ACSF2: variants seen among roughly 807,000 people sequenced by gnomAD.
The protein encoded by ACSF2 is acyl-CoA synthetase family member 2.
In ACSF2, 52 loss-of-function variants were observed where a neutral mutation model predicts 79.3. The observed-to-expected ratio is 0.66, with a 90% confidence interval of 0.53 to 0.83. The LOEUF (loss-of-function observed/expected upper bound fraction) is 0.83. ACSF2 is among the 40% of genes least tolerant of loss of function. The probability of loss-of-function intolerance (pLI) is 0.00; values close to 1 mark genes in which losing one functional copy is unlikely to be tolerated. For synonymous variants in ACSF2, 283 were observed against 312.6 expected (o/e 0.91, Z 1.00); for missense variants, 661 against 803.3 (o/e 0.82, Z 2.14).
chr17:50,427,971 C>T (rs1403530069), intron 1 of ACSF2, among the ~76,000 whole-genome samples: 3 of 152,086 alleles, frequency 2.0e-5, no homozygotes, highest in African/African-American at 7.2e-5. Flanking sequence ...GTGCCTGCAC[C>T]CTTATTGTCT....
At chr17:50,469,732 G>C (rs1299906297) in intron 10 of ACSF2, among the ~76,000 whole-genome samples, 1 of 152,208 alleles carries the variant, frequency 6.6e-6, no homozygotes, top group Non-Finnish European at 1.5e-5. Flanking sequence ...CGCCCCTGAG[G>C]GGTCTCAGGG....
chr17:50,459,116 G>A (rs2032186868), intron 1 of ACSF2, among the ~76,000 whole-genome samples: 1 of 152,206 alleles, frequency 6.6e-6, no homozygotes, highest in African/African-American at 2.4e-5. Flanking sequence ...TTCACCATTC[G>A]CAAAGCACCT....
intron 1 of ACSF2, among the ~76,000 whole-genome samples, chr17:50,447,147 C>T (rs2143604576): frequency 6.6e-6 from 1 of 152,228 alleles, no homozygotes; most frequent in East Asian, 1.9e-4. Context: ...CTCTGTCTTC[C>T]CATCCCTCCC....
At chr17:50,468,551 C>A in intron 10 of ACSF2, 1 of 1,614,238 alleles carries the variant, frequency 6.2e-7, no homozygotes, top group East Asian at 2.2e-5. Flanking sequence ...GGCCACCTCG[C>A]GGATCTGGCA....
chr17:50,450,646 A>AG (rs1207684043), intron 1 of ACSF2: 1 of 154,836 alleles, frequency 6.5e-6, no homozygotes, highest in Non-Finnish European at 1.4e-5. Flanking sequence ...ATCCACGGTG[A>AG]GGACTCTCTT....
At chr17:50,443,508 A>G (rs1465680678) in intron 1 of ACSF2, among the ~76,000 whole-genome samples, 3 of 152,180 alleles carry the variant, frequency 2.0e-5, no homozygotes, top group Non-Finnish European at 2.9e-5. Flanking sequence ...TTTGCTACCA[A>G]TTGCTGCGAG....
At chr17:50,456,393 A>C (rs754332481) in intron 1 of ACSF2, among the ~76,000 whole-genome samples, 3 of 152,176 alleles carry the variant, frequency 2.0e-5, no homozygotes, top group Non-Finnish European at 4.4e-5. Context: ...GGTGACCTGC[A>C]AGAGATGGGA....
Position 50,473,787 on chromosome 17 carries a change from C to T in ACSF2, c.1598C>T (p.Pro533Leu), listed in dbSNP as rs757105546. Residue 533 changes from proline (P) to leucine (L), a missense_variant, in exon 13 of 16, where the codon CCG becomes CTG. Pro to Leu is a moderately conservative substitution (Grantham distance 98, BLOSUM62 -3). Coordinates refer to ENST00000300441, the MANE Select transcript of ACSF2 (RefSeq NM_025149.6). ...AELEDFFHTHPKVQEVQVVGV... is the reference protein window; with the variant it reads ...AELEDFFHTHLKVQEVQVVGV... ...CTCGAGGACTTCTTTCACACACACC[C>T]GAAGGTGCAGGAAGTGCAGGTGAGG... 21 of 1,614,056 alleles carry T rather than the reference C, an allele frequency of 1.3e-5. No individual in the cohort carries two copies. Among genetic ancestry groups the T allele is most frequent in the Admixed American group, 5.0e-5 (3 of 60,008 alleles).
intron 12 of ACSF2, 34 bp downstream of exon 12, chr17:50,472,613 G>A (rs762593342): frequency 1.8e-5 from 28 of 1,565,240 alleles, no homozygotes; most frequent in Admixed American, 1.3e-4. Flanking sequence ...GGCTCTGGCC[G>A]CTGAGGGGAG....
intron 6 of ACSF2, chr17:50,462,838 G>T (rs1387178595): frequency 3.4e-6 from 2 of 588,122 alleles, no homozygotes; most frequent in Non-Finnish European, 6.0e-6. Context: ...ACCAACACAG[G>T]TTGGAACTGC....
At chr17:50,470,290 GA>G (rs1465784079) in intron 10 of ACSF2, 1 of 152,240 alleles carries the variant, frequency 6.6e-6, no homozygotes, top group Non-Finnish European at 1.5e-5. Context: ...TCTAGGATAG[GA>G]GGGTCATACT....
At chr17:50,433,517 C>T (rs2030131605) in intron 1 of ACSF2, among the ~76,000 whole-genome samples, 3 of 152,140 alleles carry the variant, frequency 2.0e-5, no homozygotes, top group African/African-American at 4.8e-5. Context: ...TTTAGTAATC[C>T]TATCAAGGGA....
Position 50,463,572 on chromosome 17 carries a change from C to T in ACSF2, c.1046+20C>T. 5 of 1,611,862 alleles carry T rather than the reference C, an allele frequency of 3.1e-6. No homozygotes were observed. The highest frequency in any genetic ancestry group is 4.2e-6 in the Non-Finnish European group (5 of 1,178,784). Reference sequence around the variant, plus strand: ...AGAGAGGTGGGCACTGGTGGACAGGCTACTTGTGGGCTGATAAAACCCTCT... The same window carrying T: ...AGAGAGGTGGGCACTGGTGGACAGGTTACTTGTGGGCTGATAAAACCCTCT... On this transcript the variant is annotated intron_variant, in intron 8 of 15. Coordinates refer to ENST00000300441, the MANE Select transcript of ACSF2 (RefSeq NM_025149.6). The surrounding 1 kb of genome is among the most constrained non-coding windows in gnomAD (Gnocchi z 4.6).
chr17:50,461,639 G>A lies in ACSF2; in HGVS notation c.460G>A (p.Val154Met). Residue 154 changes from valine to methionine, a missense_variant, in exon 4 of 16, where the codon GTG becomes ATG. Coordinates refer to ENST00000300441, the MANE Select transcript of ACSF2 (RefSeq NM_025149.6). ...TAQAGIILVS[V>M]NPAYQAMELE... Reference sequence around the variant, plus strand: ...CCCTCGCCGCTTCCACCAGGTGTCTGTGAACCCAGCCTACCAGGCTATGGA... The same window carrying A: ...CCCTCGCCGCTTCCACCAGGTGTCTATGAACCCAGCCTACCAGGCTATGGA... The A allele has an allele frequency of 1.9e-6, 3 of 1,614,136 alleles. No homozygotes were observed. In the South Asian group the frequency reaches 3.3e-5, roughly 18 times the overall value.
intron 1 of ACSF2, among the ~76,000 whole-genome samples, chr17:50,442,688 C>T (rs988814275): frequency 6.6e-6 from 1 of 152,074 alleles, no homozygotes; most frequent in Non-Finnish European, 1.5e-5. Context: ...CTGGCCTGAG[C>T]TCCTGAATTC....
chr17:50,462,174 C>G lies in ACSF2; in HGVS notation c.508-10C>G. ...CCGCTGACTGGAGGTGGGGGACTCCCCTTCCACAGGTGGGCTGCAAGGCCC... is the reference window on the plus strand; with the variant it reads ...CCGCTGACTGGAGGTGGGGGACTCCGCTTCCACAGGTGGGCTGCAAGGCCC... On this transcript the variant is annotated splice_polypyrimidine_tract_variant and intron_variant, in intron 4 of 15. Transcript: ENST00000300441. 6.2e-7 allele frequency: 1 copy of G among 1,613,128 alleles called. No individual in the cohort carries two copies. The highest frequency in any genetic ancestry group is 8.5e-7 in the Non-Finnish European group (1 of 1,179,478).
intron 1 of ACSF2, among the ~76,000 whole-genome samples, chr17:50,428,533 C>A (rs1220906517): frequency 6.6e-6 from 1 of 150,570 alleles, no homozygotes; most frequent in Non-Finnish European, 1.5e-5. Flanking sequence ...GCCTGTAATC[C>A]CAGCACTTTG....
At chr17:50,452,465 C>T (rs2031736000) in intron 1 of ACSF2, among the ~76,000 whole-genome samples, 1 of 146,438 alleles carries the variant, frequency 6.8e-6, no homozygotes, top group Non-Finnish European at 1.5e-5. Context: ...GCCTGGGTGA[C>T]ATAGTGAGTC....
chr17:50,473,562 A>C, intron 12 of ACSF2, 103 bp from the exon 13 acceptor site: 1 of 1,487,292 alleles, frequency 6.7e-7, no homozygotes, highest in Non-Finnish European at 9.3e-7. Context: ...AGTCTAGAGC[A>C]GTGGAAGACA....
Sources: gnomAD v4.1 joint callset for allele counts (sites outside exome capture counted in the v4.1 genomes callset) on GRCh38, gnomAD v4.1.1 for gene constraint, Gnocchi (gnomAD v3.1) non-coding constraint, MANE v1.5 for transcripts, NCBI Gene and HGNC (gene_info 2026-07-23, HGNC 2026-07-21) for gene names.